Variants in CNKSR1 observed in about 807,000 individuals in gnomAD.
The protein encoded by CNKSR1 is CNK homolog protein 1.
In CNKSR1, 88 loss-of-function variants were observed where a neutral mutation model predicts 95.6. The observed-to-expected ratio is 0.92, with a 90% CI of 0.78 to 1.10. The LOEUF (loss-of-function observed/expected upper bound fraction) is 1.10, where lower values mean the gene tolerates loss of function less well. Among genes scored for constraint, CNKSR1 ranks in the 50% least tolerant of loss-of-function variants. The pLI is 0.00. For missense variants in CNKSR1, 836 were observed against 912.0 expected (o/e 0.92, Z 1.07); for synonymous variants, 355 against 369.7 (o/e 0.96, Z 0.46).
chr1:26,188,595 C>T lies in CNKSR1; in HGVS notation c.1591-3C>T, dbSNP rs377575975. 22 of 1,613,518 alleles carry T rather than the reference C, an allele frequency of 1.4e-5. No homozygotes were observed. The South Asian group carries it at 2.0e-4, about 14-fold the overall frequency. On this transcript the variant is annotated splice_region_variant and splice_polypyrimidine_tract_variant and intron_variant, in intron 18 of 20. Transcript: ENST00000361530. ...CCCTCTGTGCTTTCCACCCTGCCTGCAGCCCAGCCCTGCTCAAGCTGGGAG... is the reference window on the plus strand; with the variant it reads ...CCCTCTGTGCTTTCCACCCTGCCTGTAGCCCAGCCCTGCTCAAGCTGGGAG...
intron 14 of CNKSR1, among the ~76,000 whole-genome samples, chr1:26,185,608 G>C (rs2088735395): frequency 6.6e-6 from 1 of 151,980 alleles, no homozygotes; most frequent in African/African-American, 2.4e-5. Flanking sequence ...TAGCCAGGAT[G>C]GTCTCGATCT....
intron 1 of CNKSR1, among the ~76,000 whole-genome samples, chr1:26,178,507 G>A (rs1193450170): frequency 2.0e-5 from 3 of 152,100 alleles, no homozygotes; most frequent in Non-Finnish European, 4.4e-5. Flanking sequence ...GAGAAGGAAG[G>A]GCCTCCTGAC....
At position 26,177,583 on chromosome 1, in the gene CNKSR1, G is replaced by C; in HGVS notation, c.36G>C (p.Val12=). The C allele has an allele frequency of 6.2e-7, 1 of 1,614,204 alleles. No homozygotes were observed. Among genetic ancestry groups the C allele is most frequent in the South Asian group, 1.1e-5 (1 of 91,076 alleles). ...TAGAGACCTGGACCCCCGGAAAGGT[G>C]GCAACTTGGCTGAGAGGTGGGTGGG... ...EPVETWTPGK[V]ATWLRGLDDS... Residue 12 remains valine, a synonymous_variant, in exon 1 of 21, where the codon GTG becomes GTC. Transcript: ENST00000361530.
In CNKSR1 at chr1:26,184,242, G is replaced by A. The variant is rs779270949; in HGVS notation, c.955G>A (p.Asp319Asn). The A allele has an allele frequency of 1.2e-6, 2 of 1,613,388 alleles. No individual in the cohort carries two copies. Among genetic ancestry groups the A allele is most frequent in the East Asian group, 4.5e-5 (2 of 44,764 alleles). Residue 319 changes from aspartate (D) to asparagine (N), a missense_variant, in exon 11 of 21, where the codon GAC (aspartate) becomes AAC (asparagine). Coordinates refer to ENST00000361530, the MANE Select transcript of CNKSR1 (RefSeq NM_006314.3). ...RAPSEDVFAF[D>N]LSSNPSPGPS... ...CCCATCTGAAGACGTCTTTGCCTTT[G>A]ACCTGTCTTCAAACCCCAGTCCCGG...
chr1:26,180,267 C>G, intron 1 of CNKSR1, 186 bp from the exon 2 acceptor site: 1 of 699,180 alleles, frequency 1.4e-6, no homozygotes, highest in Non-Finnish European at 2.4e-6. Flanking sequence ...CTTTTAAGAA[C>G]CCATGTCCTA....
In CNKSR1 at chr1:26,180,898, T is replaced by C. The variant is rs1458309386; in HGVS notation, c.392+2T>C. ...CGCCCTCCTCTTCTGGCTCAGCAGG[T>C]ACCCGGGTTGGGGTGACGAGTGAGG... On this transcript the variant is annotated splice_donor_variant, in intron 3 of 20. Transcript: ENST00000361530. LOFTEE classifies it high-confidence loss of function. The C allele has an allele frequency of 1.1e-5, 17 of 1,614,066 alleles. No individual in the cohort carries two copies. Among genetic ancestry groups the C allele is most frequent in the Non-Finnish European group, 1.4e-5 (16 of 1,180,036 alleles).
chr1:26,178,265 G>A (rs2783631), intron 1 of CNKSR1, among the ~76,000 whole-genome samples: 62,485 of 152,100 alleles, frequency 0.41, 14,640 homozygotes, highest in East Asian at 0.65. Flanking sequence ...TGTTAAATCC[G>A]TTTCTTAGAG....
At position 26,189,819 on chromosome 1, in the gene CNKSR1, G is replaced by T; in HGVS notation, c.*271G>T. ...GGCAGTTCTCCCCCAAACCAGGTCT[G>T]TACAGGTGTTCTTTATTTTACATGA... is the stretch of plus-strand genomic sequence containing the variant. On this transcript the variant is annotated 3_prime_UTR_variant, in exon 21 of 21. Coordinates refer to ENST00000361530, the MANE Select transcript of CNKSR1 (RefSeq NM_006314.3). 2 of 665,556 alleles carry T rather than the reference G, an allele frequency of 3.0e-6. No individual in the cohort carries two copies. The highest frequency in any genetic ancestry group is 3.1e-5 in the South Asian group (2 of 64,528). 41.2% of individuals were successfully genotyped at this position (665,556 alleles called of 1,614,324 possible). A position where few individuals can be genotyped will look rare whatever the true frequency, so the allele number is the denominator to read the frequency against.
chr1:26,181,229 C>T (rs929648474), intron 3 of CNKSR1: 28 of 337,224 alleles, frequency 8.3e-5, no homozygotes, highest in Non-Finnish European at 1.4e-4. Context: ...TCCAGTGAGC[C>T]GAGATCATGC....
In CNKSR1 at chr1:26,183,723, C is replaced by T. The variant is rs1470308699; in HGVS notation, c.754-6C>T. ...GTTGATACCAGCCAGTGTTTCTGTC[C>T]CCCAGGTGGGATGGCCCCGTAAGAA... On this transcript the variant is annotated splice_polypyrimidine_tract_variant and splice_region_variant and intron_variant, in intron 8 of 20. Coordinates refer to ENST00000361530, the MANE Select transcript of CNKSR1 (RefSeq NM_006314.3). The T allele has an allele frequency of 6.2e-7, 1 of 1,603,576 alleles. No individual in the cohort carries two copies. Among genetic ancestry groups the T allele is most frequent in the East Asian group, 2.2e-5 (1 of 44,834 alleles).
intron 16 of CNKSR1, 45 bp from the exon 17 acceptor site, chr1:26,188,189 G>C (rs1557625292): frequency 6.5e-7 from 1 of 1,542,362 alleles, no homozygotes; most frequent in Admixed American, 1.7e-5. Flanking sequence ...ATACAAGAGG[G>C]CCCCAGTGGA....
At chr1:26,186,997 C>T (rs1187287654) in intron 14 of CNKSR1, 171 bp from the exon 15 acceptor site, 3 of 658,618 alleles carry the variant, frequency 4.6e-6, no homozygotes, top group East Asian at 2.8e-5. Context: ...CATCTCCTAC[C>T]CTGACCCCAG....
chr1:26,180,455 C>T lies in CNKSR1; in HGVS notation c.55C>T (p.Leu19Phe). ...GCTGAGCCTTACTCTCCCTCCAGGT[C>T]TTGACGACTCCCTGCAGGACTATCC... ...PGKVATWLRGLDDSLQDYPFE... is the reference protein window; with the variant it reads ...PGKVATWLRGFDDSLQDYPFE... Residue 19 changes from leucine (L) to phenylalanine (F), a missense_variant and splice_region_variant, in exon 2 of 21, where the codon CTT (leucine) becomes TTT (phenylalanine). By Grantham distance (22) the Leu-to-Phe change is conservative. Coordinates refer to ENST00000361530, the MANE Select transcript of CNKSR1 (RefSeq NM_006314.3). 1.2e-6 allele frequency: 2 copies of T among 1,613,932 alleles called. No individual in the cohort carries two copies. Among genetic ancestry groups the T allele is most frequent in the Admixed American group, 1.7e-5 (1 of 60,030 alleles).
At chr1:26,177,698 G>C in intron 1 of CNKSR1, 99 bp downstream of exon 1, 1 of 1,398,458 alleles carries the variant, frequency 7.2e-7, no homozygotes, top group Non-Finnish European at 9.9e-7. Flanking sequence ...TCTGCGGACT[G>C]GGTGCGCTGG....
intron 1 of CNKSR1, among the ~76,000 whole-genome samples, chr1:26,179,201 G>A (rs1301150957): frequency 2.6e-5 from 4 of 152,208 alleles, no homozygotes; most frequent in Non-Finnish European, 5.9e-5. Flanking sequence ...GAGACAAATG[G>A]TTATCTAAGG....
chr1:26,182,857 G>C (rs1165718334), intron 6 of CNKSR1, among the ~76,000 whole-genome samples: 1 of 152,190 alleles, frequency 6.6e-6, no homozygotes, highest in African/African-American at 2.4e-5. Context: ...TTAGGAGAAA[G>C]GGAGAGGATG....
At chr1:26,185,933 G>A (rs1469103294) in intron 14 of CNKSR1, among the ~76,000 whole-genome samples, 2 of 152,182 alleles carry the variant, frequency 1.3e-5, no homozygotes, top group East Asian at 3.8e-4. Flanking sequence ...CAGGATTCAG[G>A]TGCCTACTGT....
Position 26,185,014 on chromosome 1 carries a change from G to A in CNKSR1, c.1136G>A (p.Gly379Asp). 1.3e-6 allele frequency: 2 copies of A among 1,594,924 alleles called. No individual in the cohort carries two copies. Among genetic ancestry groups the A allele is most frequent in the African/African-American group, 1.3e-5 (1 of 74,930 alleles). Residue 379 changes from glycine (G) to aspartate (D), a missense_variant and splice_region_variant, in exon 14 of 21, where the codon GGC (glycine) becomes GAC (aspartate). Transcript: ENST00000361530. ...KSPVGRKKSK[G>D]LATRLSRRRV... Reference sequence around the variant, plus strand: ...CCCAGCTTGTGCTGTGCTGCTACAGGCCTGGCGACCCGGCTGAGCCGCCGG... The same window carrying A: ...CCCAGCTTGTGCTGTGCTGCTACAGACCTGGCGACCCGGCTGAGCCGCCGG...
chr1:26,187,668 G>C (rs756090655), intron 16 of CNKSR1, among the ~76,000 whole-genome samples, 186 bp downstream of exon 16: 1 of 147,482 alleles, frequency 6.8e-6, no homozygotes, highest in Non-Finnish European at 1.5e-5. Context: ...TGTCACCCAG[G>C]CTGGAGTGCA....
Sources: gnomAD v4.1 joint callset for allele counts (sites outside exome capture counted in the v4.1 genomes callset) on GRCh38, gnomAD v4.1.1 for gene constraint, MANE v1.5 for transcripts, NCBI Gene and HGNC (gene_info 2026-07-23, HGNC 2026-07-21) for gene names.